Variants in WNT2B observed in about 807,000 individuals in gnomAD.
WNT2B encodes protein Wnt-2b.
A neutral mutation model predicts 40.5 loss-of-function variants in WNT2B; 19 were observed. That is an observed-to-expected ratio of 0.47 (90% CI 0.33 to 0.69). The LOEUF is 0.69. Among genes scored for constraint, WNT2B ranks in the 30% least tolerant of loss-of-function variants. The pLI, the probability that WNT2B is intolerant of heterozygous loss-of-function variation, is 0.02. For synonymous variants in WNT2B, 220 were observed against 211.9 expected, an observed-to-expected ratio of 1.04 and a Z score of -0.33; for missense variants, 467 against 556.4, an observed-to-expected ratio of 0.84 and a Z score of 1.62.
At chr1:112,499,849 A>G (rs899758743) in intron 1 of WNT2B, among the ~76,000 whole-genome samples, 3 of 152,308 alleles carry the variant, frequency 2.0e-5, no homozygotes, top group Non-Finnish European at 2.9e-5. Context: ...AGGAGTTGTA[A>G]CACTTCTCAG....
At position 112,528,752 on chromosome 1, in the gene WNT2B, T is replaced by G. The variant is rs886951445; in HGVS notation, c.*8243T>G. 2.0e-5 allele frequency: 3 copies of G among 152,218 alleles called. No homozygotes were observed. In the East Asian group the frequency reaches 5.8e-4, roughly 29 times the overall value. The allele number at this position is 152,218 out of a possible 1,614,324, so 9.4% of individuals were successfully genotyped here. ...CTCACTCCCAAACTTAAAACTTGACTGGTCCTACATATTCTACTTGGTATA... is the reference window on the plus strand; with the variant it reads ...CTCACTCCCAAACTTAAAACTTGACGGGTCCTACATATTCTACTTGGTATA... On this transcript the variant is annotated 3_prime_UTR_variant, in exon 5 of 5. Transcript: ENST00000369684.
intron 1 of WNT2B, among the ~76,000 whole-genome samples, chr1:112,498,274 G>A (rs1274479505): frequency 2.0e-5 from 3 of 151,774 alleles, no homozygotes; most frequent in Non-Finnish European, 4.4e-5. Flanking sequence ...TTTGTTTTGA[G>A]GCGGAGTCTC....
chr1:112,508,132 C>T (rs1652181993), upstream of WNT2B, among the ~76,000 whole-genome samples: 1 of 152,016 alleles, frequency 6.6e-6, no homozygotes, highest in African/African-American at 2.4e-5. This position sits in a 1 kb window ranked among gnomAD's most constrained non-coding sequence, Gnocchi z 4.2. Flanking sequence ...GGACCCCCAC[C>T]CTGGCCTCTG....
chr1:112,483,444 T>TC (rs906739504), intron 1 of WNT2B, among the ~76,000 whole-genome samples: 1 of 152,114 alleles, frequency 6.6e-6, no homozygotes, highest in Non-Finnish European at 1.5e-5. Context: ...TGAAATTGGA[T>TC]CCATGTCTCA....
chr1:112,513,635 A>C (rs545466756), intron 1 of WNT2B, among the ~76,000 whole-genome samples: 3 of 152,250 alleles, frequency 2.0e-5, no homozygotes, highest in East Asian at 1.9e-4. Flanking sequence ...ACCCACTTCT[A>C]GGCCCATTTT....
At position 112,514,738 on chromosome 1, in the gene WNT2B, A is replaced by G. The variant is rs548582365; in HGVS notation, c.183-136A>G. The G allele has an allele frequency of 1.8e-3, 1,378 of 763,096 alleles. 2 individuals carry two copies. Among genetic ancestry groups the G allele is most frequent in the Non-Finnish European group, 2.8e-3 (1,258 of 452,110 alleles). The allele number at this position is 763,096 out of a possible 1,614,324, so 47.3% of individuals were successfully genotyped here. A position where few individuals can be genotyped will look rare whatever the true frequency, so the allele number is the denominator to read the frequency against. On this transcript the variant is annotated intron_variant, in intron 1 of 4. Coordinates refer to ENST00000369684, the MANE Select transcript of WNT2B (RefSeq NM_024494.3). ...ACTGTGGGAAATGGTTCTACTCATC[A>G]GCTTTATGGAATGTGGGTTAGGGAG...
chr1:112,473,662 A>G (rs1557906012), intron 1 of WNT2B, among the ~76,000 whole-genome samples: 1 of 152,162 alleles, frequency 6.6e-6, no homozygotes, highest in Non-Finnish European at 1.5e-5. Flanking sequence ...TGAACAAACA[A>G]TAGCCAAGAT....
Position 112,509,556 on chromosome 1 carries a change from C to A in WNT2B, c.182+112C>A. The A allele has an allele frequency of 8.0e-7, 1 of 1,247,636 alleles. No homozygotes were observed. The highest frequency in any genetic ancestry group is 1.1e-6 in the Non-Finnish European group (1 of 942,678). 77.3% of individuals were successfully genotyped at this position (1,247,636 alleles called of 1,614,324 possible). Reference sequence around the variant, plus strand: ...GGCTGTTGCTTCGACGGGTTGGAGACGATTCGGGCAGGACTGTCACTGAAA... The same window carrying A: ...GGCTGTTGCTTCGACGGGTTGGAGAAGATTCGGGCAGGACTGTCACTGAAA... On this transcript the variant is annotated intron_variant, in intron 1 of 4. Transcript: ENST00000369684. This position sits in a 1 kb window ranked among gnomAD's most constrained non-coding sequence, Gnocchi z 4.2.
chr1:112,475,271 A>G (rs559978713), intron 1 of WNT2B, among the ~76,000 whole-genome samples: 49 of 152,228 alleles, frequency 3.2e-4, no homozygotes, highest in Non-Finnish European at 5.7e-4. Context: ...AAACATGCAC[A>G]TGATGAAAGA....
intron 4 of WNT2B, 138 bp downstream of exon 4, chr1:112,517,523 C>G: frequency 8.8e-7 from 1 of 1,140,230 alleles, no homozygotes; most frequent in Non-Finnish European, 1.2e-6. Flanking sequence ...CACATGAACA[C>G]CTGGTCATGA....
At chr1:112,512,311 G>A (rs1388249998) in intron 1 of WNT2B, among the ~76,000 whole-genome samples, 1 of 152,154 alleles carries the variant, frequency 6.6e-6, no homozygotes, top group Non-Finnish European at 1.5e-5. Context: ...TGGGGATATT[G>A]AATTGAACAA....
intron 1 of WNT2B, among the ~76,000 whole-genome samples, chr1:112,487,351 T>C (rs1185518682): frequency 6.6e-6 from 1 of 152,154 alleles, no homozygotes; most frequent in African/African-American, 2.4e-5. Context: ...AAGAAATATA[T>C]ACAGATGCTT....
Position 112,509,047 on chromosome 1 carries a change from G to T in WNT2B, c.-216G>T, listed in dbSNP as rs1652236065. On this transcript the variant is annotated 5_prime_UTR_variant, in exon 1 of 5. Coordinates refer to ENST00000369684, the MANE Select transcript of WNT2B (RefSeq NM_024494.3). This position sits in a 1 kb window ranked among gnomAD's most constrained non-coding sequence, Gnocchi z 4.2. ...CCTCAGGCAGCGCGCCCCAGACCCC[G>T]GGTTCGGCACGCCGTCGTCGGCTTC... 2 of 1,356,056 alleles carry T rather than the reference G, an allele frequency of 1.5e-6. No individual in the cohort carries two copies. The highest frequency in any genetic ancestry group is 3.9e-5 in the Admixed American group (1 of 25,584). The allele number at this position is 1,356,056 out of a possible 1,614,324, so 84.0% of individuals were successfully genotyped here.
At chr1:112,487,592 G>A (rs1196703477) in intron 1 of WNT2B, among the ~76,000 whole-genome samples, 1 of 152,084 alleles carries the variant, frequency 6.6e-6, no homozygotes. Flanking sequence ...ATACTAAAGT[G>A]AAAAACAGTA....
intron 1 of WNT2B, among the ~76,000 whole-genome samples, chr1:112,490,625 G>T (rs911316782): frequency 6.6e-6 from 1 of 151,880 alleles, no homozygotes; most frequent in African/African-American, 2.4e-5. Flanking sequence ...TAGTAGCTGG[G>T]ACTACCGGCG....
upstream of WNT2B, among the ~76,000 whole-genome samples, chr1:112,508,452 A>G (rs12136566): frequency 0.27 from 40,583 of 151,582 alleles, 6,231 homozygotes; most frequent in East Asian, 0.43. The surrounding 1 kb of genome is among the most constrained non-coding windows in gnomAD (Gnocchi z 4.2). Flanking sequence ...ATCCCCTGCT[A>G]GAAGCCGACT....
At chr1:112,484,295 A>G in intron 1 of WNT2B, among the ~76,000 whole-genome samples, 1 of 145,964 alleles carries the variant, frequency 6.9e-6, no homozygotes. Flanking sequence ...ATATATACAC[A>G]CACATATATA....
rs1653922699 is a variant in WNT2B at position 112,529,008 on chromosome 1, T to C, written c.*8499T>C. On this transcript the variant is annotated 3_prime_UTR_variant, in exon 5 of 5. Coordinates refer to ENST00000369684, the MANE Select transcript of WNT2B (RefSeq NM_024494.3). Reference sequence around the variant, plus strand: ...TGCTAAAGGTAAAAATCGCTACTTATGGGGCTTTTGTCATACTTCTTAACC... The same window carrying C: ...TGCTAAAGGTAAAAATCGCTACTTACGGGGCTTTTGTCATACTTCTTAACC... 1 of 152,212 alleles carries C rather than the reference T, an allele frequency of 6.6e-6. No homozygotes were observed. The highest frequency in any genetic ancestry group is 1.5e-5 in the Non-Finnish European group (1 of 68,034). 9.4% of individuals were successfully genotyped at this position (152,212 alleles called of 1,614,324 possible).
chr1:112,519,444 G>GA (rs989660437), intron 4 of WNT2B, among the ~76,000 whole-genome samples: 4 of 152,136 alleles, frequency 2.6e-5, no homozygotes, highest in African/African-American at 9.6e-5. Context: ...ATTAACCATG[G>GA]AAAAGCTTGG....
Sources: allele counts gnomAD v4.1 joint callset (sites outside exome capture counted in the v4.1 genomes callset), GRCh38; gene constraint gnomAD v4.1.1; non-coding constraint Gnocchi (gnomAD v3.1); transcripts MANE v1.5; gene names NCBI Gene and HGNC (gene_info 2026-07-23, HGNC 2026-07-21).